DYM: variants seen among roughly 807,000 people sequenced by gnomAD.
DYM encodes the protein dyggve-Melchior-Clausen syndrome protein.
In DYM, 78 loss-of-function variants were observed where a neutral mutation model predicts 93.1. The observed-to-expected ratio is 0.84, with a 90% CI of 0.70 to 1.01. DYM has a LOEUF of 1.01. Among genes scored for constraint, DYM ranks in the 50% least tolerant of loss-of-function variants. DYM has a pLI of 0.00. For missense variants in DYM, 789 were observed against 845.0 expected (o/e 0.93, Z 0.82); for synonymous variants, 321 against 319.7 (o/e 1.00, Z -0.04).
rs187731351 is a variant in DYM at position 49,315,396 on chromosome 18, G to A, written c.763+16468C>T. Among the ~76,000 whole-genome samples the A allele has an allele frequency of 1.1e-3, 175 of 152,220 alleles. 1 individual carries two copies. Among genetic ancestry groups the A allele is most frequent in the South Asian group, 1.0e-3 (5 of 4,830 alleles). ...AGGAAAAATAGGCATGGCAACATCC[G>A]TAGTAAGAAAATGTAATATATTTCT... On this transcript the variant is annotated intron_variant, in intron 8 of 17. Coordinates refer to ENST00000675505, the MANE Select transcript of DYM (RefSeq NM_001353214.3).
At chr18:49,236,663 T>C (rs920250408) in intron 13 of DYM, among the ~76,000 whole-genome samples, 13 of 152,002 alleles carry the variant, frequency 8.6e-5, no homozygotes, top group African/African-American at 2.7e-4. Flanking sequence ...CAAGAGCCAA[T>C]TAACAATGGG....
intron 14 of DYM, among the ~76,000 whole-genome samples, chr18:49,200,362 A>G (rs2091891732): frequency 2.6e-5 from 4 of 151,922 alleles, no homozygotes; most frequent in Admixed American, 2.6e-4. Flanking sequence ...CACATACATA[A>G]TTTTTATGTA....
At chr18:49,330,955 C>T (rs922357432) in intron 8 of DYM, among the ~76,000 whole-genome samples, 2 of 152,206 alleles carry the variant, frequency 1.3e-5, no homozygotes, top group Non-Finnish European at 2.9e-5. Context: ...AATTAACAGA[C>T]CAAGTCTACT....
intron 17 of DYM, among the ~76,000 whole-genome samples, chr18:49,045,983 C>A (rs2144136797): frequency 6.6e-6 from 1 of 152,134 alleles, no homozygotes. Context: ...GGAGCCTAGT[C>A]CAGGGAAGGG....
intron 2 of DYM, among the ~76,000 whole-genome samples, chr18:49,408,743 T>C (rs1398580281): frequency 6.6e-6 from 1 of 152,212 alleles, no homozygotes; most frequent in Non-Finnish European, 1.5e-5. Context: ...ATTATTACCG[T>C]GCCATGTAAA....
In DYM at chr18:49,114,589, T is replaced by C. The variant is rs372877184; in HGVS notation, c.1911+4155A>G. 1.0e-4 allele frequency: 100 copies of C among 985,306 alleles called. 5 individuals are homozygous for C. In the East Asian group the frequency reaches 2.0e-3, roughly 20 times the overall value. The allele number at this position is 985,306 out of a possible 1,614,324, so 61.0% of individuals were successfully genotyped here. On this transcript the variant is annotated intron_variant, in intron 16 of 17. Transcript: ENST00000675505. ...GAATGTGTTTCAAATGGATGTAGTT[T>C]AAATTCTTTGCATGGTTCTGTGTGT...
chr18:49,277,441 G>A (rs1024189696), intron 10 of DYM, among the ~76,000 whole-genome samples: 1 of 152,156 alleles, frequency 6.6e-6, no homozygotes, highest in Admixed American at 6.5e-5. Context: ...TGATTGGAAA[G>A]CCAAGGTATA....
chr18:49,263,740 A>G (rs2094526896), intron 11 of DYM, among the ~76,000 whole-genome samples: 1 of 152,140 alleles, frequency 6.6e-6, no homozygotes. Flanking sequence ...AAAAAGAAAA[A>G]AAAAGTAGTT....
intron 2 of DYM, among the ~76,000 whole-genome samples, chr18:49,419,337 C>T (rs1172600536): frequency 5.3e-5 from 8 of 151,266 alleles, no homozygotes; most frequent in East Asian, 3.9e-4. Flanking sequence ...CCAGCCTGGG[C>T]GACAGAGCAA....
intron 13 of DYM, among the ~76,000 whole-genome samples, chr18:49,230,444 T>C (rs2093661009): frequency 6.6e-6 from 1 of 152,102 alleles, no homozygotes; most frequent in Admixed American, 6.6e-5. Context: ...AAAATCTTAC[T>C]ACCTCAAAAA....
chr18:49,441,067 T>C (rs1223242059), intron 1 of DYM, among the ~76,000 whole-genome samples: 4 of 8,202 alleles, frequency 4.9e-4, no homozygotes, highest in African/African-American at 1.2e-3. Context: ...ATATATATTA[T>C]ATATAAATAT....
chr18:49,146,157 C>T (rs1409033102), intron 15 of DYM, among the ~76,000 whole-genome samples: 1 of 152,050 alleles, frequency 6.6e-6, no homozygotes, highest in Non-Finnish European at 1.5e-5. Flanking sequence ...TGAGAGAATG[C>T]TGAAGCTAAA....
At position 49,142,500 on chromosome 18, in the gene DYM, G is replaced by C. The variant is rs569734111; in HGVS notation, c.1728+21185C>G. ...AAGGGTTTGCTTTCATTCTGAAAAAGAGGATGCATGTTATTACATTACTCA... is the reference window on the plus strand; with the variant it reads ...AAGGGTTTGCTTTCATTCTGAAAAACAGGATGCATGTTATTACATTACTCA... On this transcript the variant is annotated intron_variant, in intron 15 of 17. Transcript: ENST00000675505. 2.0e-4 allele frequency among the ~76,000 whole-genome samples: 31 copies of C among 152,284 alleles called. No individual in the cohort carries two copies. The South Asian group carries it at 3.7e-3, about 18-fold the overall frequency.
chr18:49,364,839 A>T (rs982575602), intron 5 of DYM, among the ~76,000 whole-genome samples: 1 of 152,194 alleles, frequency 6.6e-6, no homozygotes, highest in African/African-American at 2.4e-5. Context: ...CCTAGTTTTT[A>T]AAAAGCCCAT....
At chr18:49,407,813 A>G (rs2071686092) in intron 2 of DYM, among the ~76,000 whole-genome samples, 1 of 152,214 alleles carries the variant, frequency 6.6e-6, no homozygotes, top group South Asian at 2.1e-4. Flanking sequence ...TCAGTTTCCT[A>G]TTTTTGATAC....
At chr18:49,199,950 C>T (rs1050367101) in intron 14 of DYM, among the ~76,000 whole-genome samples, 5 of 150,794 alleles carry the variant, frequency 3.3e-5, no homozygotes, top group Admixed American at 6.6e-5. Flanking sequence ...TCATATTACA[C>T]GTACTTAGAA....
In DYM at chr18:49,300,000, G is replaced by A. The variant is rs1156693424; in HGVS notation, c.764-13384C>T. Among the ~76,000 whole-genome samples the A allele has an allele frequency of 3.4e-5, 5 of 147,292 alleles. No homozygotes were observed. The East Asian group carries it at 1.0e-3, about 29-fold the overall frequency. On this transcript the variant is annotated intron_variant, in intron 8 of 17. Coordinates refer to ENST00000675505, the MANE Select transcript of DYM (RefSeq NM_001353214.3). ...GGAGCTTGCAGTGAGCCGAGATCGTGCCACTGCACTCCAGCCTGGTGATAG... is the reference window on the plus strand; with the variant it reads ...GGAGCTTGCAGTGAGCCGAGATCGTACCACTGCACTCCAGCCTGGTGATAG...
chr18:49,203,843 T>A (rs1600624067), intron 14 of DYM, among the ~76,000 whole-genome samples: 1 of 81,254 alleles, frequency 1.2e-5, no homozygotes, highest in Admixed American at 1.5e-4. Flanking sequence ...ACCCAAGAAT[T>A]ATCAATAAAA....
At chr18:49,136,417 C>A (rs2083855687) in intron 15 of DYM, among the ~76,000 whole-genome samples, 1 of 152,014 alleles carries the variant, frequency 6.6e-6, no homozygotes, top group African/African-American at 2.4e-5. Context: ...TTTGTTGTAA[C>A]CTATTTTTGT....
Sources: gnomAD v4.1 joint callset for allele counts (sites outside exome capture counted in the v4.1 genomes callset) on GRCh38, gnomAD v4.1.1 for gene constraint, MANE v1.5 for transcripts, NCBI Gene and HGNC (gene_info 2026-07-23, HGNC 2026-07-21) for gene names.